FAF1: variants seen among roughly 807,000 people sequenced by gnomAD.
FAF1 encodes Fas associated factor 1.
Under a neutral mutation model 92.5 loss-of-function variants are expected in FAF1, and 25 were observed. That is an observed-to-expected ratio of 0.27 (90% confidence interval 0.20 to 0.38). FAF1 has a LOEUF of 0.38. Ranked by LOEUF, FAF1 falls within the 10% of genes least tolerant of loss-of-function variation. The probability of loss-of-function intolerance (pLI) is 1.00; values close to 1 mark genes in which losing one functional copy is unlikely to be tolerated. For synonymous variants in FAF1, 234 were observed against 273.2 expected (o/e 0.86, Z 1.42); for missense variants, 636 against 793.3 (o/e 0.80, Z 2.38).
chr1:50,658,702 T>C (rs1272939623), intron 7 of FAF1, among the ~76,000 whole-genome samples: 1 of 152,228 alleles, frequency 6.6e-6, no homozygotes, highest in Non-Finnish European at 1.5e-5. Flanking sequence ...TGTCATAGAA[T>C]AAACTGGCTA....
At chr1:50,486,892 A>G (rs1179698164) in intron 17 of FAF1, among the ~76,000 whole-genome samples, 1 of 152,192 alleles carries the variant, frequency 6.6e-6, no homozygotes, top group East Asian at 1.9e-4. Flanking sequence ...AGTACTCAGG[A>G]AGGCTTTCTT....
At chr1:50,910,970 GC>G (rs1644880950) in intron 1 of FAF1, among the ~76,000 whole-genome samples, 1 of 152,100 alleles carries the variant, frequency 6.6e-6, no homozygotes, top group Non-Finnish European at 1.5e-5. Flanking sequence ...CACACTGGGA[GC>G]TACAGACTGG....
intron 17 of FAF1, among the ~76,000 whole-genome samples, chr1:50,479,898 C>T (rs1433063791): frequency 6.6e-6 from 1 of 152,066 alleles, no homozygotes; most frequent in Admixed American, 6.5e-5. Context: ...AGTTCTACTG[C>T]CAAAAAAATA....
chr1:50,485,044 T>C (rs1405662900), intron 17 of FAF1, among the ~76,000 whole-genome samples: 3 of 151,830 alleles, frequency 2.0e-5, no homozygotes, highest in Admixed American at 1.3e-4. Flanking sequence ...ACATGGCACA[T>C]GTATACATGT....
chr1:50,743,932 G>A (rs1250772571), intron 5 of FAF1, among the ~76,000 whole-genome samples: 12 of 151,978 alleles, frequency 7.9e-5, no homozygotes, highest in African/African-American at 1.4e-4. Context: ...TTAGCTGGGC[G>A]TGGTGGCACG....
At chr1:50,658,310 C>G (rs931766265) in intron 7 of FAF1, among the ~76,000 whole-genome samples, 5 of 151,784 alleles carry the variant, frequency 3.3e-5, no homozygotes, top group African/African-American at 1.2e-4. Flanking sequence ...AAAAGCAGGA[C>G]AAATATTTAC....
rs140809139 is a variant in FAF1 at position 50,506,897 on chromosome 1, A to C, written c.1495-15096T>G. On this transcript the variant is annotated intron_variant, in intron 15 of 18. Coordinates refer to ENST00000396153, the MANE Select transcript of FAF1 (RefSeq NM_007051.3). ...AAAGTGTCAATAGCCTTTGCGAGGT[A>C]AATGTTCTTGCTTTACCTTCTTCTT... Among the ~76,000 whole-genome samples the C allele has an allele frequency of 2.0e-4, 30 of 152,318 alleles. No individual in the cohort carries two copies. In the East Asian group the frequency reaches 3.1e-3, roughly 16 times the overall value.
Position 50,825,457 on chromosome 1 carries a change from T to C in FAF1, c.115-23780A>G, listed in dbSNP as rs373648010. Among the ~76,000 whole-genome samples the C allele has an allele frequency of 4.4e-4, 67 of 152,150 alleles. 1 individual carries two copies. The East Asian group carries it at 9.6e-3, about 22-fold the overall frequency. Reference sequence around the variant, plus strand: ...TAAGGCAAGAGGGAGGTCTTTTTCATAATGATAAAAGGGTCACTCTACCCA... The same window carrying C: ...TAAGGCAAGAGGGAGGTCTTTTTCACAATGATAAAAGGGTCACTCTACCCA... On this transcript the variant is annotated intron_variant, in intron 2 of 18. Transcript: ENST00000396153.
intron 13 of FAF1, among the ~76,000 whole-genome samples, chr1:50,554,390 T>TATATATATATATATATAGAGAG: frequency 2.1e-5 from 2 of 93,698 alleles, no homozygotes; most frequent in Admixed American, 1.2e-4. Flanking sequence ...TATATATATA[T>TATATATATATATATATAGAGAG]AGAGAGAGAG....
At chr1:50,573,688 T>C (rs982431023) in intron 12 of FAF1, among the ~76,000 whole-genome samples, 1 of 151,920 alleles carries the variant, frequency 6.6e-6, no homozygotes, top group Non-Finnish European at 1.5e-5. Flanking sequence ...GATGAGGAGA[T>C]GCCAGGATGG....
chr1:50,718,537 GTTAT>G (rs1264125484), intron 6 of FAF1, among the ~76,000 whole-genome samples: 3 of 152,090 alleles, frequency 2.0e-5, no homozygotes, highest in East Asian at 3.8e-4. Flanking sequence ...ATGTGCATAT[GTTAT>G]TTCTTTTCTT....
intron 9 of FAF1, among the ~76,000 whole-genome samples, chr1:50,587,973 G>A (rs960578034): frequency 2.0e-5 from 3 of 152,174 alleles, no homozygotes; most frequent in African/African-American, 7.2e-5. Context: ...TACCTATTAT[G>A]TCAAGGCACT....
At position 50,441,362 on chromosome 1, in the gene FAF1, T is replaced by A; in HGVS notation, c.*78A>T. On this transcript the variant is annotated 3_prime_UTR_variant, in exon 19 of 19. Coordinates refer to ENST00000396153, the MANE Select transcript of FAF1 (RefSeq NM_007051.3). ...GAATTGAGTGAGACGAGCGTGTGGG[T>A]GGGTTGGCGAGGAGCCCTTCTCCTG... 1 of 769,156 alleles carries A rather than the reference T, an allele frequency of 1.3e-6. No individual in the cohort carries two copies. The allele number at this position is 769,156 out of a possible 1,614,324, so 47.6% of individuals were successfully genotyped here.
intron 7 of FAF1, among the ~76,000 whole-genome samples, chr1:50,665,103 C>A (rs897767845): frequency 2.6e-5 from 4 of 152,190 alleles, no homozygotes; most frequent in Non-Finnish European, 4.4e-5. Context: ...ATTTATAATT[C>A]TTTCCAGGAA....
intron 12 of FAF1, 194 bp downstream of exon 12, chr1:50,582,423 AT>A: frequency 2.0e-6 from 1 of 499,840 alleles, no homozygotes; most frequent in East Asian, 2.9e-5. Flanking sequence ...TCAGCAGCAC[AT>A]AATACTAAAA....
At chr1:50,541,216 GTGC>G (rs1166865144) in intron 13 of FAF1, among the ~76,000 whole-genome samples, 2 of 152,154 alleles carry the variant, frequency 1.3e-5, no homozygotes, top group Admixed American at 1.3e-4. Context: ...TAGAAAGTAG[GTGC>G]TGCTAAGGGC....
chr1:50,945,220 A>T (rs965709859), intron 1 of FAF1, among the ~76,000 whole-genome samples: 2 of 152,218 alleles, frequency 1.3e-5, no homozygotes, highest in African/African-American at 2.4e-5. Context: ...AGCCAAAAGT[A>T]TAACACAGAT....
Position 50,626,991 on chromosome 1 carries a change from C to T in FAF1, c.744+28451G>A, listed in dbSNP as rs74080028. Among the ~76,000 whole-genome samples the T allele has an allele frequency of 7.7e-3, 1,175 of 152,154 alleles. 13 individuals carry two copies. Among genetic ancestry groups the T allele is most frequent in the African/African-American group, 0.027 (1,135 of 41,532 alleles). ...TGTGGAACTGGATGGATTGTGATGC[C>T]ATTCATGGAATTAGAATACTTAAGA... On this transcript the variant is annotated intron_variant, in intron 8 of 18. Transcript: ENST00000396153.
intron 8 of FAF1, among the ~76,000 whole-genome samples, chr1:50,622,566 C>T (rs775597162): frequency 6.6e-6 from 1 of 152,208 alleles, no homozygotes; most frequent in African/African-American, 2.4e-5. Context: ...GTACAATTGT[C>T]ATCCAGGAAT....
Sources: gnomAD v4.1 joint callset for allele counts (sites outside exome capture counted in the v4.1 genomes callset) on GRCh38, gnomAD v4.1.1 for gene constraint, MANE v1.5 for transcripts, NCBI Gene and HGNC (gene_info 2026-07-23, HGNC 2026-07-21) for gene names.